The following CA13 variants were observed in gnomAD, a reference collection of about 807,000 sequenced individuals.
CA13 encodes carbonic anhydrase 13.
In CA13, 21 loss-of-function variants were observed where a neutral mutation model predicts 31.5. That is an observed-to-expected ratio of 0.67 (90% CI 0.47 to 0.96). CA13 has a LOEUF of 0.96. Among genes scored for constraint, CA13 ranks in the 40% least tolerant of loss-of-function variants. CA13 has a pLI of 0.00. For synonymous variants in CA13, 117 were observed against 111.4 expected, an observed-to-expected ratio of 1.05 and a Z score of -0.32; for missense variants, 315 against 318.9, an observed-to-expected ratio of 0.99 and a Z score of 0.09.
intron 3 of CA13, among the ~76,000 whole-genome samples, chr8:85,265,165 C>T (rs1008973317): frequency 1.3e-5 from 2 of 152,206 alleles, no homozygotes; most frequent in African/African-American, 2.4e-5. Context: ...GGCATGAAGG[C>T]TCACATAAGT....
chr8:85,251,809 G>A lies in CA13; in HGVS notation c.235+872G>A, dbSNP rs578163717. On this transcript the variant is annotated intron_variant, in intron 2 of 6. Coordinates refer to ENST00000321764, the MANE Select transcript of CA13 (RefSeq NM_198584.3). ...AATGTTATTTCTTCCATAATATTTCGGTGCTTAGTTATGTATACATACATG... is the reference window on the plus strand; with the variant it reads ...AATGTTATTTCTTCCATAATATTTCAGTGCTTAGTTATGTATACATACATG... Among the ~76,000 whole-genome samples, 90 of 151,886 alleles carry A rather than the reference G, an allele frequency of 5.9e-4. 1 individual carries two copies. The highest frequency in any genetic ancestry group is 1.9e-3 in the African/African-American group (80 of 41,426).
chr8:85,249,975 G>A (rs1008526179), intron 1 of CA13: 20 of 274,870 alleles, frequency 7.3e-5, no homozygotes, highest in African/African-American at 4.3e-4. Flanking sequence ...CGATTTTGAC[G>A]TTTTTGAGTA....
intron 2 of CA13, among the ~76,000 whole-genome samples, chr8:85,252,385 A>T (rs894023180): frequency 7.2e-5 from 11 of 152,248 alleles, no homozygotes; most frequent in Admixed American, 3.9e-4. Context: ...TAATTTTTTT[A>T]AAAAAATAAA....
intron 2 of CA13, among the ~76,000 whole-genome samples, chr8:85,251,697 A>G (rs1813832806): frequency 6.6e-6 from 1 of 152,216 alleles, no homozygotes; most frequent in Admixed American, 6.5e-5. Context: ...TGCCAAAGTA[A>G]TATCCACTCA....
In CA13 at chr8:85,245,836, G is replaced by GGCTCAGCT; in HGVS notation, c.10_17dup (p.Trp6CysfsTer37). On this transcript the variant is annotated frameshift_variant, in exon 1 of 7. Transcript: ENST00000321764. LOFTEE classifies it high-confidence loss of function. ...CTTCCACCCCGAGGGACCATGTCGA[G>GGCTCAGCT]GCTCAGCTGGGGATACCGCGAGCAC... 1 of 1,614,166 alleles carries GGCTCAGCT rather than the reference G, an allele frequency of 6.2e-7. No homozygotes were observed. The highest frequency in any genetic ancestry group is 8.5e-7 in the Non-Finnish European group (1 of 1,180,018).
chr8:85,269,438 CA>C (rs1216143850), intron 6 of CA13, among the ~76,000 whole-genome samples: 9 of 151,546 alleles, frequency 5.9e-5, no homozygotes, highest in Admixed American at 1.3e-4. Flanking sequence ...GACTTTGTCT[CA>C]AAAAAAATTT....
intron 6 of CA13, 109 bp from the exon 7 acceptor site, chr8:85,281,121 T>C: frequency 7.6e-7 from 1 of 1,311,252 alleles, no homozygotes; most frequent in African/African-American, 1.5e-5. Context: ...AAAATTTTCA[T>C]TGCAGTATTT....
intron 2 of CA13, among the ~76,000 whole-genome samples, chr8:85,255,241 C>T (rs1485455429): frequency 6.6e-6 from 1 of 151,632 alleles, no homozygotes. Context: ...CTTGGTTGCA[C>T]ACTACCATGC....
intron 5 of CA13, 145 bp from the exon 6 acceptor site, chr8:85,268,327 A>C (rs1807482929): frequency 1.4e-6 from 1 of 714,710 alleles, no homozygotes; most frequent in Admixed American, 2.8e-5. Context: ...TTTTAAAGAT[A>C]CTAAAGGAAG....
intron 6 of CA13, among the ~76,000 whole-genome samples, chr8:85,279,000 T>C (rs1564006029): frequency 6.6e-6 from 1 of 152,230 alleles, no homozygotes; most frequent in Non-Finnish European, 1.5e-5. Context: ...ACAGAACTTA[T>C]TTTTATTATT....
intron 6 of CA13, among the ~76,000 whole-genome samples, chr8:85,274,680 A>G (rs1289467794): frequency 2.0e-5 from 3 of 152,186 alleles, no homozygotes; most frequent in Admixed American, 2.0e-4. Context: ...GAGCATTTCT[A>G]GGGCTGAGGC....
intron 2 of CA13, among the ~76,000 whole-genome samples, chr8:85,255,864 C>T (rs1373065436): frequency 1.3e-5 from 2 of 152,148 alleles, no homozygotes; most frequent in African/African-American, 2.4e-5. Context: ...CCAGGGCATT[C>T]TGGAATTTTC....
chr8:85,281,412 A>C lies in CA13; in HGVS notation c.*63A>C, dbSNP rs1436564382. 6.4e-7 allele frequency: 1 copy of C among 1,567,828 alleles called. No homozygotes were observed. Among genetic ancestry groups the C allele is most frequent in the Non-Finnish European group, 8.7e-7 (1 of 1,149,810 alleles). On this transcript the variant is annotated 3_prime_UTR_variant, in exon 7 of 7. Coordinates refer to ENST00000321764, the MANE Select transcript of CA13 (RefSeq NM_198584.3). ...GAGAGACAACAAAACAAAACAAAGC[A>C]CAAAAGTCTCTGCCAACAACTCTTT...
intron 3 of CA13, 63 bp downstream of exon 3, chr8:85,259,602 G>C (rs1807350421): frequency 7.5e-7 from 1 of 1,337,600 alleles, no homozygotes; most frequent in Non-Finnish European, 1.1e-6. Context: ...AAGGGGTACA[G>C]AGACAACTTT....
intron 3 of CA13, among the ~76,000 whole-genome samples, chr8:85,263,076 A>C (rs1306917510): frequency 6.6e-6 from 1 of 152,208 alleles, no homozygotes; most frequent in Non-Finnish European, 1.5e-5. Flanking sequence ...GATAAGAAGA[A>C]AGCATTAAGA....
chr8:85,253,252 CTTAT>C (rs140596684), intron 2 of CA13, among the ~76,000 whole-genome samples: 2 of 149,510 alleles, frequency 1.3e-5, no homozygotes, highest in Non-Finnish European at 3.0e-5. Flanking sequence ...GCCTTTTTTT[CTTAT>C]TTATTTATTT....
chr8:85,251,549 A>T (rs574133113), intron 2 of CA13, among the ~76,000 whole-genome samples: 3 of 152,224 alleles, frequency 2.0e-5, no homozygotes, highest in Non-Finnish European at 2.9e-5. Context: ...AATAGTTTTT[A>T]TAGATATTTC....
chr8:85,249,901 A>G, intron 1 of CA13: 1 of 422,424 alleles, frequency 2.4e-6, no homozygotes, highest in Admixed American at 2.9e-5. Flanking sequence ...AGGATTGAAA[A>G]GGGAACTGTT....
intron 4 of CA13, among the ~76,000 whole-genome samples, chr8:85,266,909 TGA>T (rs1807465348): frequency 6.6e-6 from 1 of 152,220 alleles, no homozygotes; most frequent in African/African-American, 2.4e-5. Context: ...CATTTTTATG[TGA>T]ATAACAATAG....
Sources: allele counts gnomAD v4.1 joint callset (sites outside exome capture counted in the v4.1 genomes callset), GRCh38; gene constraint gnomAD v4.1.1; transcripts MANE v1.5; gene names NCBI Gene and HGNC (gene_info 2026-07-23, HGNC 2026-07-21).